LRMDA: variants seen among roughly 807,000 people sequenced by gnomAD.
The protein encoded by LRMDA is leucine-rich melanocyte differentiation-associated protein.
Under a neutral mutation model 29.8 loss-of-function variants are expected in LRMDA, and 18 were observed. That is an observed-to-expected ratio of 0.60 (90% CI 0.42 to 0.90). The LOEUF (loss-of-function observed/expected upper bound fraction) is 0.90, where lower values mean the gene tolerates loss of function less well. Among genes scored for constraint, LRMDA ranks in the 40% least tolerant of loss-of-function variants. The pLI is 0.00. For missense variants in LRMDA, 273 were observed against 273.9 expected (o/e 1.00, Z 0.02); for synonymous variants, 125 against 109.4 (o/e 1.14, Z -0.89).
At chr10:76,056,947 G>T (rs1848625339) in intron 4 of LRMDA, among the ~76,000 whole-genome samples, 1 of 152,190 alleles carries the variant, frequency 6.6e-6, no homozygotes, top group South Asian at 2.1e-4. Context: ...ACTGCAGCTG[G>T]TGTATTTGCA....
chr10:76,040,081 C>T (rs1848316168), intron 3 of LRMDA, among the ~76,000 whole-genome samples: 1 of 152,172 alleles, frequency 6.6e-6, no homozygotes, highest in African/African-American at 2.4e-5. Context: ...TCTCTGAAGT[C>T]ACATAGATTG....
intron 2 of LRMDA, among the ~76,000 whole-genome samples, chr10:75,835,275 T>C (rs1844413815): frequency 6.6e-6 from 1 of 152,214 alleles, no homozygotes. Context: ...ATTCCTTGTC[T>C]TGTGGCCCCT....
intron 2 of LRMDA, among the ~76,000 whole-genome samples, chr10:75,820,517 G>A: frequency 6.6e-6 from 1 of 152,196 alleles, no homozygotes; most frequent in East Asian, 1.9e-4. Flanking sequence ...GTGCCAAGAG[G>A]CAAGTTTTTA....
intron 5 of LRMDA, among the ~76,000 whole-genome samples, chr10:76,144,218 A>G (rs1057294311): frequency 3.9e-5 from 6 of 152,142 alleles, no homozygotes; most frequent in African/African-American, 7.2e-5. Context: ...GTTTTTTCCA[A>G]TTCTGTGAAG....
chr10:75,863,592 GGAT>G (rs1365559365), intron 2 of LRMDA, among the ~76,000 whole-genome samples: 2 of 152,120 alleles, frequency 1.3e-5, no homozygotes, highest in Admixed American at 1.3e-4. Flanking sequence ...TGTAAAATGG[GGAT>G]GATATTTATA....
Position 76,363,239 on chromosome 10 carries a change from GAA to G in LRMDA, c.601+38756_601+38757del, listed in dbSNP as rs1327399397. ...GAAGAGAAAGAAAGAAAGAAAGAAA[GAA>G]AGAAAGAAAGAAAGAAGGAAGGAAG... On this transcript the variant is annotated intron_variant, in intron 6 of 6. Transcript: ENST00000611255. Among the ~76,000 whole-genome samples, 3 of 59,114 alleles carry G rather than the reference GAA, an allele frequency of 5.1e-5. 1 individual carries two copies. The highest frequency in any genetic ancestry group is 1.2e-4 in the Non-Finnish European group (3 of 25,944). 38.8% of individuals were successfully genotyped at this position (59,114 alleles called of 152,430 possible). A position where few individuals can be genotyped will look rare whatever the true frequency, so the allele number is the denominator to read the frequency against.
Position 76,309,595 on chromosome 10 carries a change from C to A in LRMDA, c.517-14806C>A, listed in dbSNP as rs552265393. 2.0e-3 allele frequency among the ~76,000 whole-genome samples: 298 copies of A among 152,246 alleles called. 2 individuals are homozygous for A. The highest frequency in any genetic ancestry group is 6.8e-3 in the Middle Eastern group (2 of 294). On this transcript the variant is annotated intron_variant, in intron 5 of 6. Transcript: ENST00000611255. ...CGCTGATCTTGAAAGGCGGGTGTCT[C>A]CCTCTTATTACTAGGAATTTCCAAG...
chr10:76,047,149 C>G lies in LRMDA; in HGVS notation c.259-15C>G. 1.9e-6 allele frequency: 3 copies of G among 1,613,786 alleles called. No individual in the cohort carries two copies. Among genetic ancestry groups the G allele is most frequent in the Non-Finnish European group, 2.5e-6 (3 of 1,179,832 alleles). On this transcript the variant is annotated splice_polypyrimidine_tract_variant and intron_variant, in intron 3 of 6. Coordinates refer to ENST00000611255, the MANE Select transcript of LRMDA (RefSeq NM_001305581.2). Reference sequence around the variant, plus strand: ...CCTTTTGTCTTACTGGACCAAGATTCTTAACCTTTGTCACATCACTGATTT... The same window carrying G: ...CCTTTTGTCTTACTGGACCAAGATTGTTAACCTTTGTCACATCACTGATTT...
At chr10:75,708,314 C>A (rs1253021393) in intron 2 of LRMDA, among the ~76,000 whole-genome samples, 1 of 152,190 alleles carries the variant, frequency 6.6e-6, no homozygotes, top group East Asian at 1.9e-4. Context: ...CCATTTCATG[C>A]CAGAATACAT....
intron 2 of LRMDA, among the ~76,000 whole-genome samples, chr10:75,955,112 A>G (rs1016067407): frequency 6.6e-6 from 1 of 152,230 alleles, no homozygotes; most frequent in East Asian, 1.9e-4. Flanking sequence ...TATAATTTTA[A>G]ATAAAACATT....
intron 5 of LRMDA, among the ~76,000 whole-genome samples, chr10:76,279,772 C>T (rs1486898866): frequency 2.6e-5 from 4 of 152,050 alleles, no homozygotes; most frequent in Non-Finnish European, 5.9e-5. Context: ...GTCTTGAACT[C>T]CTGATCTCAG....
chr10:76,050,009 C>T (rs769903214), intron 4 of LRMDA, among the ~76,000 whole-genome samples: 27 of 152,268 alleles, frequency 1.8e-4, no homozygotes, highest in South Asian at 1.0e-3. Context: ...TATTCAGAAG[C>T]AAGAACCCAT....
At chr10:76,491,586 G>T in intron 6 of LRMDA, among the ~76,000 whole-genome samples, 1 of 151,690 alleles carries the variant, frequency 6.6e-6, no homozygotes, top group Non-Finnish European at 1.5e-5. Context: ...TTTTTCTCTT[G>T]CTACTTTTAG....
At chr10:75,799,084 G>A (rs1222003356) in intron 2 of LRMDA, among the ~76,000 whole-genome samples, 2 of 152,270 alleles carry the variant, frequency 1.3e-5, no homozygotes, top group Non-Finnish European at 2.9e-5. Context: ...TACAGTATCT[G>A]TACTGGATTT....
chr10:76,170,784 G>C (rs1405618804), intron 5 of LRMDA, among the ~76,000 whole-genome samples: 1 of 152,124 alleles, frequency 6.6e-6, no homozygotes, highest in Non-Finnish European at 1.5e-5. Flanking sequence ...TCCAGAAATT[G>C]AACTCTGGAC....
intron 2 of LRMDA, among the ~76,000 whole-genome samples, chr10:75,746,569 G>C (rs767280816): frequency 6.6e-6 from 1 of 152,150 alleles, no homozygotes; most frequent in Non-Finnish European, 1.5e-5. Flanking sequence ...TTGTCAGAGG[G>C]TTTGATGATT....
chr10:75,467,669 G>A (rs1844670140), intron 2 of LRMDA, among the ~76,000 whole-genome samples: 1 of 152,044 alleles, frequency 6.6e-6, no homozygotes, highest in South Asian at 2.1e-4. Flanking sequence ...CAGACATCAA[G>A]ATCGCAAAGT....
At chr10:75,954,609 C>A (rs1302379028) in intron 2 of LRMDA, among the ~76,000 whole-genome samples, 1 of 152,210 alleles carries the variant, frequency 6.6e-6, no homozygotes, top group Non-Finnish European at 1.5e-5. Context: ...CTCCTCTCAA[C>A]TGTAACCCCT....
intron 2 of LRMDA, among the ~76,000 whole-genome samples, chr10:75,988,888 A>T (rs931697580): frequency 6.6e-6 from 1 of 151,712 alleles, no homozygotes; most frequent in Non-Finnish European, 1.5e-5. Flanking sequence ...TGTTCCTTCT[A>T]TTTCTATTTC....
Sources: gnomAD v4.1 joint callset for allele counts (sites outside exome capture counted in the v4.1 genomes callset) on GRCh38, gnomAD v4.1.1 for gene constraint, MANE v1.5 for transcripts, NCBI Gene and HGNC (gene_info 2026-07-23, HGNC 2026-07-21) for gene names.